Variants in PCSK6 observed in about 807,000 individuals in gnomAD.
PCSK6 encodes the protein paired basic amino acid cleaving enzyme 4.
PCSK6 carries 85 observed loss-of-function variants against 123.3 expected under a neutral mutation model. The ratio of observed to expected loss-of-function variants is 0.69; its 90% confidence interval spans 0.58 to 0.83. The LOEUF (loss-of-function observed/expected upper bound fraction) is 0.83, where lower values mean the gene tolerates loss of function less well. Ranked by LOEUF, PCSK6 falls within the 40% of genes least tolerant of loss-of-function variation. PCSK6 has a pLI of 0.00. For synonymous variants in PCSK6, 508 were observed against 516.0 expected (o/e 0.98, Z 0.21); for missense variants, 1,191 against 1,282.3 (o/e 0.93, Z 1.09).
In PCSK6 at chr15:101,313,484, A is replaced by C; in HGVS notation, c.2591T>G (p.Ile864Ser). The C allele has an allele frequency of 6.2e-7, 1 of 1,606,974 alleles. No homozygotes were observed. The highest frequency in any genetic ancestry group is 8.5e-7 in the Non-Finnish European group (1 of 1,178,846). The change falls in exon 20 of 22, where the codon ATT becomes AGT. Residue 864 changes from isoleucine (I) to serine (S), a missense_variant. By Grantham distance (142) the Ile-to-Ser change is moderately radical. Around this residue, in one of 3 missense-constraint regions of PCSK6, gnomAD observed 630 missense variants for 631.4 expected, o/e 1.00. Transcript: ENST00000611716. ...TCVGPGREECIHCAKNFHFHD... is the reference protein window; with the variant it reads ...TCVGPGREECSHCAKNFHFHD... ...GAAGTGGAAGTTTTTCGCACAGTGA[A>C]TGCACTCTTCTCTGCCTGGCCCTGA...
At chr15:101,415,512 A>C (rs1016103662) in intron 6 of PCSK6, among the ~76,000 whole-genome samples, 1 of 152,262 alleles carries the variant, frequency 6.6e-6, no homozygotes, top group Non-Finnish European at 1.5e-5. Context: ...GTGTGAGTCA[A>C]ACAAAACATG....
At chr15:101,376,612 A>G (rs769362037) in intron 11 of PCSK6, among the ~76,000 whole-genome samples, 13 of 152,266 alleles carry the variant, frequency 8.5e-5, no homozygotes, top group Non-Finnish European at 1.9e-4. Context: ...TACCACAAAT[A>G]GGGAGAATCA....
intron 2 of PCSK6, among the ~76,000 whole-genome samples, chr15:101,433,212 G>A (rs2056500533): frequency 6.6e-6 from 1 of 152,200 alleles, no homozygotes; most frequent in African/African-American, 2.4e-5. Context: ...CCCACACAGT[G>A]GGGACAGTCA....
intron 13 of PCSK6, among the ~76,000 whole-genome samples, chr15:101,340,808 C>G (rs2040585171): frequency 6.6e-6 from 1 of 151,692 alleles, no homozygotes; most frequent in Non-Finnish European, 1.5e-5. Flanking sequence ...CTTACTGGGT[C>G]CAATATTTAT....
chr15:101,345,937 G>A lies in PCSK6; in HGVS notation c.1859-13906C>T, dbSNP rs550843194. ...CCTGCCTCGGCCTCCCAAAGTGCTGGGATTACAAGCGTGAGCCACCACGCC... is the reference window on the plus strand; with the variant it reads ...CCTGCCTCGGCCTCCCAAAGTGCTGAGATTACAAGCGTGAGCCACCACGCC... On this transcript the variant is annotated intron_variant, in intron 13 of 21. Coordinates refer to ENST00000611716, the MANE Select transcript of PCSK6 (RefSeq NM_002570.5). Among the ~76,000 whole-genome samples, 111 of 152,250 alleles carry A rather than the reference G, an allele frequency of 7.3e-4. 1 individual carries two copies. Among genetic ancestry groups the A allele is most frequent in the Non-Finnish European group, 3.8e-4 (26 of 68,024 alleles).
intron 1 of PCSK6, among the ~76,000 whole-genome samples, chr15:101,483,539 A>G (rs1007976997): frequency 6.6e-6 from 1 of 152,214 alleles, no homozygotes; most frequent in Non-Finnish European, 1.5e-5. Flanking sequence ...AACCCAAGGG[A>G]AAGCATGGCA....
chr15:101,333,550 CTG>C (rs1193123840), intron 13 of PCSK6, among the ~76,000 whole-genome samples: 2 of 152,262 alleles, frequency 1.3e-5, no homozygotes, highest in Non-Finnish European at 1.5e-5. Context: ...TTGCTGTTGA[CTG>C]TGTTTTCTCA....
chr15:101,329,746 C>G (rs938623491), intron 15 of PCSK6, among the ~76,000 whole-genome samples: 7 of 152,260 alleles, frequency 4.6e-5, no homozygotes, highest in African/African-American at 1.7e-4. Context: ...TCTCAGCCCA[C>G]TCAGCTTCCT....
At chr15:101,462,237 G>A (rs533700054) in intron 1 of PCSK6, among the ~76,000 whole-genome samples, 14 of 152,192 alleles carry the variant, frequency 9.2e-5, no homozygotes, top group Non-Finnish European at 1.6e-4. Context: ...GCCTTTATCA[G>A]AGATGTGTAA....
chr15:101,434,878 C>T (rs950956353), intron 2 of PCSK6, among the ~76,000 whole-genome samples: 9 of 152,120 alleles, frequency 5.9e-5, no homozygotes, highest in East Asian at 1.9e-4. Flanking sequence ...AAGGGGATCC[C>T]GGATCCCACC....
At chr15:101,362,254 C>T (rs1370433485) in intron 13 of PCSK6, among the ~76,000 whole-genome samples, 1 of 152,186 alleles carries the variant, frequency 6.6e-6, no homozygotes, top group Non-Finnish European at 1.5e-5. Context: ...CCATGCCCAG[C>T]CCAAAGCTAT....
At chr15:101,415,638 CT>C (rs954490213) in intron 6 of PCSK6, among the ~76,000 whole-genome samples, 4 of 152,170 alleles carry the variant, frequency 2.6e-5, no homozygotes, top group African/African-American at 9.7e-5. Flanking sequence ...TATGGTTTGG[CT>C]GTGTCCCCAC....
intron 7 of PCSK6, among the ~76,000 whole-genome samples, chr15:101,394,073 C>G (rs2042321227): frequency 6.6e-6 from 1 of 151,312 alleles, no homozygotes; most frequent in African/African-American, 2.4e-5. Context: ...TCAGGGTGGT[C>G]TGATTTATAT....
At chr15:101,325,089 G>C in intron 16 of PCSK6, 43 bp from the exon 17 acceptor site, 1 of 1,443,246 alleles carries the variant, frequency 6.9e-7, no homozygotes, top group Non-Finnish European at 9.5e-7. Context: ...TGCCAACCCA[G>C]CCCCAGCCCC....
chr15:101,443,999 C>G (rs1336371838), intron 1 of PCSK6, among the ~76,000 whole-genome samples: 3 of 152,070 alleles, frequency 2.0e-5, no homozygotes, highest in Non-Finnish European at 4.4e-5. Flanking sequence ...GCCAAGAATC[C>G]CTGAAGTAGC....
intron 1 of PCSK6, chr15:101,463,084 T>G: frequency 2.2e-6 from 1 of 459,856 alleles, no homozygotes; most frequent in Non-Finnish European, 4.4e-6. Context: ...GGACACTTCT[T>G]CCTCACCTTC....
At chr15:101,323,057 C>T (rs1009464635) in intron 17 of PCSK6, among the ~76,000 whole-genome samples, 3 of 152,208 alleles carry the variant, frequency 2.0e-5, no homozygotes, top group Admixed American at 6.5e-5. Context: ...GAACCTACGG[C>T]GAGTCATCGT....
intron 6 of PCSK6, among the ~76,000 whole-genome samples, chr15:101,419,121 G>C (rs998716158): frequency 2.0e-4 from 31 of 151,812 alleles, no homozygotes; most frequent in African/African-American, 6.1e-4. Flanking sequence ...GCAAGAAAAA[G>C]AGAGTTATTA....
At chr15:101,333,395 C>T (rs2141373928) in intron 13 of PCSK6, among the ~76,000 whole-genome samples, 1 of 152,360 alleles carries the variant, frequency 6.6e-6, no homozygotes, top group Middle Eastern at 3.4e-3. Flanking sequence ...TCATGACTGT[C>T]TCCTGCGACC....
Sources: allele counts gnomAD v4.1 joint callset (sites outside exome capture counted in the v4.1 genomes callset), GRCh38; gene constraint gnomAD v4.1.1; regional missense constraint gnomAD v4.1.1; transcripts MANE v1.5; gene names NCBI Gene and HGNC (gene_info 2026-07-23, HGNC 2026-07-21).